CBFA2T3: variants seen among roughly 807,000 people sequenced by gnomAD.
CBFA2T3 encodes the protein transcriptional corepressor CBFA2T3.
In CBFA2T3, 31 loss-of-function variants were observed where a neutral mutation model predicts 58.6. The observed-to-expected ratio is 0.53, with a 90% CI of 0.40 to 0.71. The LOEUF is 0.71. CBFA2T3 is among the 30% of genes least tolerant of loss of function. The pLI is 0.00. For missense variants in CBFA2T3, 1,076 were observed against 963.1 expected (o/e 1.12, Z -1.55); for synonymous variants, 531 against 421.9 (o/e 1.26, Z -3.17).
rs114674978 is a variant in CBFA2T3 at position 88,960,237 on chromosome 16, A to G, written c.151+16420T>C. ...CCTACACCTGCTGGGCTGGGAGGGCAGGGCACTCTTCTGCCTCAAGCTCTA... is the reference window on the plus strand; with the variant it reads ...CCTACACCTGCTGGGCTGGGAGGGCGGGGCACTCTTCTGCCTCAAGCTCTA... On this transcript the variant is annotated intron_variant, in intron 1 of 11. Transcript: ENST00000268679. Among the ~76,000 whole-genome samples, 288 of 152,262 alleles carry G rather than the reference A, an allele frequency of 1.9e-3. 1 individual carries two copies. The highest frequency in any genetic ancestry group is 6.5e-3 in the African/African-American group (268 of 41,538).
chr16:88,916,589 A>T (rs543057471), intron 1 of CBFA2T3, among the ~76,000 whole-genome samples: 1 of 118,008 alleles, frequency 8.5e-6, no homozygotes, highest in African/African-American at 3.3e-5. Context: ...AGGTGGTCTG[A>T]TCTGCAGACA....
chr16:88,941,538 G>T (rs1971731629), intron 1 of CBFA2T3, among the ~76,000 whole-genome samples: 1 of 148,396 alleles, frequency 6.7e-6, no homozygotes, highest in Admixed American at 6.7e-5. Flanking sequence ...GGCGCCCTAA[G>T]AACTGGCCGT....
At position 88,952,630 on chromosome 16, in the gene CBFA2T3, C is replaced by A; in HGVS notation, c.151+24027G>T. ...GAGCTCCAGCCTCACAGGCACACAC[C>A]GCTCCCCTGCCCAGAACATTCTGCC... On this transcript the variant is annotated intron_variant, in intron 1 of 11. Transcript: ENST00000268679. Among the ~76,000 whole-genome samples the A allele has an allele frequency of 2.0e-5, 3 of 152,242 alleles. No individual in the cohort carries two copies. In the South Asian group the frequency reaches 6.2e-4, roughly 32 times the overall value.
Position 88,925,290 on chromosome 16 carries a change from C to T in CBFA2T3, c.152-23634G>A, listed in dbSNP as rs570140305. On this transcript the variant is annotated intron_variant, in intron 1 of 11. Coordinates refer to ENST00000268679, the MANE Select transcript of CBFA2T3 (RefSeq NM_005187.6). Reference sequence around the variant, plus strand: ...AGCCGCAGCCGTGGTGGCAGCTGCTCGGGGGAGACCCACAAGGGGCCTGCT... The same window carrying T: ...AGCCGCAGCCGTGGTGGCAGCTGCTTGGGGGAGACCCACAAGGGGCCTGCT... Among the ~76,000 whole-genome samples, 112 of 152,262 alleles carry T rather than the reference C, an allele frequency of 7.4e-4. 1 individual carries two copies. The highest frequency in any genetic ancestry group is 2.6e-3 in the African/African-American group (108 of 41,566).
Position 88,898,067 on chromosome 16 carries a change from A to G in CBFA2T3, c.379+11T>C. 6.2e-7 allele frequency: 1 copy of G among 1,607,678 alleles called. No homozygotes were observed. Among genetic ancestry groups the G allele is most frequent in the Non-Finnish European group, 8.5e-7 (1 of 1,174,920 alleles). On this transcript the variant is annotated intron_variant, in intron 3 of 11. Transcript: ENST00000268679. Reference sequence around the variant, plus strand: ...TCTGGGGAGGCCTGCGGTTTTTGTTATTTTACTTACAGAGACAGACCATAG... The same window carrying G: ...TCTGGGGAGGCCTGCGGTTTTTGTTGTTTTACTTACAGAGACAGACCATAG...
At chr16:88,919,358 G>A (rs1449297081) in intron 1 of CBFA2T3, among the ~76,000 whole-genome samples, 1 of 152,224 alleles carries the variant, frequency 6.6e-6, no homozygotes, top group Non-Finnish European at 1.5e-5. Context: ...TGGCAAAACT[G>A]CTGGCGAGTG....
intron 1 of CBFA2T3, among the ~76,000 whole-genome samples, chr16:88,975,210 C>CCTGCAGCCATATCAAAGGGCCACCCTGAT (rs1567644081): frequency 1.4e-4 from 14 of 102,160 alleles, no homozygotes; most frequent in Non-Finnish European, 1.9e-4. Flanking sequence ...TCCACCCTGA[C>CCTGCAGCCATATCAAAGGGCCACCCTGAT]CCTCTGCTCC....
At chr16:88,928,706 C>T (rs1417603764) in intron 1 of CBFA2T3, among the ~76,000 whole-genome samples, 1 of 152,232 alleles carries the variant, frequency 6.6e-6, no homozygotes, top group Non-Finnish European at 1.5e-5. Flanking sequence ...AGTCCTGCCC[C>T]ACGGAGCTGA....
At chr16:88,922,570 T>A (rs1439583105) in intron 1 of CBFA2T3, among the ~76,000 whole-genome samples, 1 of 152,232 alleles carries the variant, frequency 6.6e-6, no homozygotes, top group African/African-American at 2.4e-5. Flanking sequence ...GCAAGCAGTC[T>A]GCCTCTCCTA....
chr16:88,897,471 C>T (rs1026730811), intron 3 of CBFA2T3, among the ~76,000 whole-genome samples: 3 of 152,264 alleles, frequency 2.0e-5, no homozygotes, highest in Non-Finnish European at 4.4e-5. Context: ...AGAGCCCATG[C>T]TCCCTGAACG....
intron 1 of CBFA2T3, among the ~76,000 whole-genome samples, chr16:88,964,786 TCCA>T (rs1972453294): frequency 6.7e-6 from 1 of 149,652 alleles, no homozygotes; most frequent in South Asian, 2.2e-4. Flanking sequence ...CACCCATCCA[TCCA>T]CCATCTATCC....
intron 1 of CBFA2T3, among the ~76,000 whole-genome samples, chr16:88,928,566 G>A (rs966805923): frequency 1.9e-4 from 29 of 152,334 alleles, no homozygotes; most frequent in Middle Eastern, 3.4e-3. Context: ...CAGTGAGGGC[G>A]TCCCTGAAGC....
At chr16:88,877,399 G>GC in intron 11 of CBFA2T3, 124 bp from the exon 12 acceptor site, 2 of 746,632 alleles carry the variant, frequency 2.7e-6, no homozygotes, top group Non-Finnish European at 2.1e-6. Flanking sequence ...AAACTCCAAA[G>GC]CCCCACAGCC....
intron 5 of CBFA2T3, among the ~76,000 whole-genome samples, chr16:88,890,015 G>A (rs1305781364): frequency 1.4e-5 from 2 of 146,296 alleles, no homozygotes; most frequent in Admixed American, 1.4e-4. Context: ...TCAAATCCCT[G>A]GACGATGCCC....
intron 1 of CBFA2T3, among the ~76,000 whole-genome samples, chr16:88,912,001 G>A (rs764005241): frequency 3.9e-5 from 6 of 152,246 alleles, no homozygotes; most frequent in Non-Finnish European, 7.3e-5. Context: ...GCCTTCAGCC[G>A]GCCTGGGTGC....
At chr16:88,973,732 C>T (rs977501016) in intron 1 of CBFA2T3, among the ~76,000 whole-genome samples, 1 of 152,188 alleles carries the variant, frequency 6.6e-6, no homozygotes, top group Non-Finnish European at 1.5e-5. Context: ...GGTGGCAAAG[C>T]CCAGCCCCAA....
intron 1 of CBFA2T3, among the ~76,000 whole-genome samples, chr16:88,923,299 G>T (rs925439075): frequency 1.3e-5 from 2 of 152,196 alleles, no homozygotes; most frequent in Non-Finnish European, 2.9e-5. Context: ...GCACAGAGGA[G>T]GTGAGGATTC....
intron 1 of CBFA2T3, among the ~76,000 whole-genome samples, chr16:88,913,338 A>G (rs137904390): frequency 2.8e-4 from 43 of 152,344 alleles, no homozygotes; most frequent in Non-Finnish European, 4.9e-4. Context: ...GCCCAGAAGA[A>G]CCACCCCCCT....
intron 3 of CBFA2T3, 64 bp downstream of exon 3, chr16:88,898,014 G>T: frequency 8.2e-7 from 1 of 1,216,242 alleles, no homozygotes; most frequent in Non-Finnish European, 1.2e-6. Flanking sequence ...GCAGTGTTGG[G>T]CCAGCTGAGG....
Sources: allele counts gnomAD v4.1 joint callset (sites outside exome capture counted in the v4.1 genomes callset), GRCh38; gene constraint gnomAD v4.1.1; transcripts MANE v1.5; gene names NCBI Gene and HGNC (gene_info 2026-07-23, HGNC 2026-07-21).